Variants in RPAP2 observed in about 807,000 individuals in gnomAD.
RPAP2 encodes the protein putative RNA polymerase II subunit B1 CTD phosphatase RPAP2.
Under a neutral mutation model 73.1 loss-of-function variants are expected in RPAP2, and 52 were observed. That is an observed-to-expected ratio of 0.71 (90% CI 0.57 to 0.90). RPAP2 has a LOEUF of 0.90. Ranked by LOEUF, RPAP2 falls within the 40% of genes least tolerant of loss-of-function variation. The pLI is 0.00. For missense variants in RPAP2, 598 were observed against 701.8 expected, an observed-to-expected ratio of 0.85 and a Z score of 1.67; for synonymous variants, 225 against 242.1, an observed-to-expected ratio of 0.93 and a Z score of 0.65.
rs779585102 is a variant in RPAP2 at position 92,301,535 on chromosome 1, A to C, written c.179A>C (p.His60Pro). Residue 60 changes from histidine (H) to proline (P), a missense_variant, in exon 3 of 13, where the codon CAT becomes CCT. This residue lies in a region of RPAP2 where 506 missense variants were observed against 612.8 expected (regional missense o/e 0.83). Coordinates refer to ENST00000610020, the MANE Select transcript of RPAP2 (RefSeq NM_024813.3). ...KKIEFERKAL[H>P]IVEQLLEENI... ...ATTGAATTTGAGAGAAAAGCTCTAC[A>C]TATTGTTGAACAGCTTTTAGAGGAG... 3 of 1,596,358 alleles carry C rather than the reference A, an allele frequency of 1.9e-6. No homozygotes were observed. The African/African-American group carries it at 4.1e-5, about 22-fold the overall frequency.
intron 5 of RPAP2, among the ~76,000 whole-genome samples, chr1:92,306,904 TA>T (rs1198577521): frequency 3.9e-5 from 6 of 152,186 alleles, no homozygotes; most frequent in African/African-American, 1.4e-4. Flanking sequence ...GAATATTTTT[TA>T]ATAGGGATAT....
rs1192268755 is a variant in RPAP2 at position 92,392,296 on chromosome 1, CAAT to C, written c.*5287_*5289del. 6.6e-6 allele frequency: 1 copy of C among 152,098 alleles called. No individual in the cohort carries two copies. Among genetic ancestry groups the C allele is most frequent in the Non-Finnish European group, 1.5e-5 (1 of 68,028 alleles). 9.4% of individuals were successfully genotyped at this position (152,098 alleles called of 1,614,324 possible). On this transcript the variant is annotated 3_prime_UTR_variant, in exon 13 of 13. Coordinates refer to ENST00000610020, the MANE Select transcript of RPAP2 (RefSeq NM_024813.3). ...AACGGCAAAAACCACATGATTATCT[CAAT>C]AGATACAAAAAAGGCCTTCAACAAA...
rs35691228 is a variant in RPAP2 at position 92,321,476 on chromosome 1, A to AT, written c.524+849dup. ...GCTTTCAACTTTTATATATATATAT[A>AT]TTTTTTTCTTTACATTTCCCCACAG... is the stretch of plus-strand genomic sequence containing the variant. On this transcript the variant is annotated intron_variant, in intron 7 of 12. Transcript: ENST00000610020. Among the ~76,000 whole-genome samples the AT allele has an allele frequency of 2.6e-5, 4 of 151,456 alleles. No individual in the cohort carries two copies. The South Asian group carries it at 8.3e-4, about 32-fold the overall frequency.
chr1:92,364,612 G>A (rs1026281640), intron 11 of RPAP2, among the ~76,000 whole-genome samples: 2 of 152,000 alleles, frequency 1.3e-5, no homozygotes, highest in African/African-American at 2.4e-5. Flanking sequence ...GGTGGCATTG[G>A]TATCCTCCTA....
chr1:92,321,936 TTTTC>T (rs1652290578), intron 7 of RPAP2, among the ~76,000 whole-genome samples: 2 of 150,632 alleles, frequency 1.3e-5, no homozygotes, highest in Non-Finnish European at 1.5e-5. Context: ...GATAATGAAA[TTTTC>T]TTTCTTTTTT....
At chr1:92,381,626 G>A (rs1206189157) in intron 12 of RPAP2, among the ~76,000 whole-genome samples, 7 of 138,700 alleles carry the variant, frequency 5.0e-5, no homozygotes, top group African/African-American at 1.6e-4. Context: ...AATTATAAAA[G>A]CAATACAGAA....
Position 92,395,049 on chromosome 1 carries a change from T to C in RPAP2, c.*8038T>C, listed in dbSNP as rs1656151129. On this transcript the variant is annotated 3_prime_UTR_variant, in exon 13 of 13. Transcript: ENST00000610020. ...TTTGACAAAAATCCCAATGAAATTA[T>C]GGAGAAAAGATGGTCTTTTCAACAA... is the stretch of plus-strand genomic sequence containing the variant. The C allele has an allele frequency of 6.6e-6, 1 of 152,216 alleles. No homozygotes were observed. The highest frequency in any genetic ancestry group is 1.5e-5 in the Non-Finnish European group (1 of 68,042). The allele number at this position is 152,216 out of a possible 1,614,324, so 9.4% of individuals were successfully genotyped here.
At chr1:92,371,196 T>G (rs1655132331) in intron 11 of RPAP2, among the ~76,000 whole-genome samples, 1 of 151,676 alleles carries the variant, frequency 6.6e-6, no homozygotes, top group Admixed American at 6.6e-5. Flanking sequence ...TCCCAGCTAC[T>G]CGGGAGGCTG....
At chr1:92,303,019 C>A (rs1489730967) in intron 3 of RPAP2, among the ~76,000 whole-genome samples, 1 of 152,018 alleles carries the variant, frequency 6.6e-6, no homozygotes, top group African/African-American at 2.4e-5. Context: ...GACAACACAG[C>A]GAGACCCTGT....
chr1:92,394,333 G>C lies in RPAP2; in HGVS notation c.*7322G>C, dbSNP rs1226569943. On this transcript the variant is annotated 3_prime_UTR_variant, in exon 13 of 13. Transcript: ENST00000610020. ...ACACACCAGGGCCTGTGGGGGGTGG[G>C]GGGCTAAGGGAGGGATAACATTAGG... The C allele has an allele frequency of 6.6e-6, 1 of 152,116 alleles. No individual in the cohort carries two copies. The highest frequency in any genetic ancestry group is 2.4e-5 in the African/African-American group (1 of 41,400). The allele number at this position is 152,116 out of a possible 1,614,324, so 9.4% of individuals were successfully genotyped here.
chr1:92,360,092 C>T (rs563158503), intron 11 of RPAP2, among the ~76,000 whole-genome samples: 1 of 152,340 alleles, frequency 6.6e-6, no homozygotes, highest in African/African-American at 2.4e-5. Context: ...CAGACTCAGA[C>T]CCTATCTGAC....
rs1419290558 is a variant in RPAP2 at position 92,324,060 on chromosome 1, AG to A, written c.1141del (p.Glu381LysfsTer3). 8.1e-6 allele frequency: 13 copies of A among 1,613,980 alleles called. No individual in the cohort carries two copies. The highest frequency in any genetic ancestry group is 2.2e-5 in the East Asian group (1 of 44,890). On this transcript the variant is annotated frameshift_variant, in exon 8 of 13. Transcript: ENST00000610020. LOFTEE classifies it high-confidence loss of function. ...KETLIEWKTE[E>X]TLRFLYGQNY... ...AGACTTTGATTGAGTGGAAGACAGA[AG>A]AAACATTGAGGTTTTTGTATGGCCA...
In RPAP2 at chr1:92,300,146, G is replaced by A. The variant is rs771836698; in HGVS notation, c.74-48G>A. The A allele has an allele frequency of 3.7e-6, 5 of 1,342,598 alleles. No homozygotes were observed. In the East Asian group the frequency reaches 1.1e-4, roughly 31 times the overall value. The allele number at this position is 1,342,598 out of a possible 1,614,324, so 83.2% of individuals were successfully genotyped here. A position where few individuals can be genotyped will look rare whatever the true frequency, so the allele number is the denominator to read the frequency against. ...GACCGCTGTCTGTATGCTGTCCGTC[G>A]TTTACGGAAATGTCATTATGTAGCA... On this transcript the variant is annotated intron_variant, in intron 1 of 12. Transcript: ENST00000610020.
rs534943232 is a variant in RPAP2 at position 92,348,003 on chromosome 1, G to A, written c.1688+2089G>A. On this transcript the variant is annotated intron_variant, in intron 11 of 12. Transcript: ENST00000610020. ...CGGCTCACTGCAGCCTCTGCCTCCC[G>A]GGTTCAACCAATTCTGCTGCCTTAG... 5.9e-5 allele frequency among the ~76,000 whole-genome samples: 9 copies of A among 152,038 alleles called. No individual in the cohort carries two copies. The South Asian group carries it at 6.2e-4, about 11-fold the overall frequency.
intron 6 of RPAP2, among the ~76,000 whole-genome samples, chr1:92,319,537 T>G (rs1380471092): frequency 2.0e-5 from 3 of 151,904 alleles, no homozygotes; most frequent in Non-Finnish European, 2.9e-5. Flanking sequence ...AAGGCTGAGG[T>G]GGGGGCAGTG....
At chr1:92,346,194 C>T (rs1176476693) in intron 11 of RPAP2, among the ~76,000 whole-genome samples, 7 of 149,724 alleles carry the variant, frequency 4.7e-5, no homozygotes, top group Non-Finnish European at 8.9e-5. Flanking sequence ...GACAGGGTCT[C>T]GCTCTGTTGC....
chr1:92,371,320 AT>A (rs1328441687), intron 11 of RPAP2, among the ~76,000 whole-genome samples: 549 of 25,932 alleles, frequency 0.021, 4 homozygotes, highest in Middle Eastern at 0.12. Flanking sequence ...AAAAAAAAAA[AT>A]ATATATATAT....
At chr1:92,379,328 G>T (rs916200027) in intron 11 of RPAP2, among the ~76,000 whole-genome samples, 23 of 152,164 alleles carry the variant, frequency 1.5e-4, no homozygotes, top group African/African-American at 5.1e-4. Context: ...GGGGAGAAAA[G>T]AATTTTCTCC....
intron 11 of RPAP2, among the ~76,000 whole-genome samples, chr1:92,375,738 G>A (rs1170263928): frequency 6.6e-6 from 1 of 152,132 alleles, no homozygotes; most frequent in Non-Finnish European, 1.5e-5. Flanking sequence ...GGCTAAGGCA[G>A]GAGAATCACT....
Sources: gnomAD v4.1 joint callset for allele counts (sites outside exome capture counted in the v4.1 genomes callset) on GRCh38, gnomAD v4.1.1 for gene constraint, gnomAD v4.1.1 regional missense constraint, MANE v1.5 for transcripts, NCBI Gene and HGNC (gene_info 2026-07-23, HGNC 2026-07-21) for gene names.